The following SOX5 variants were observed in gnomAD, a reference collection of about 807,000 sequenced individuals.
The protein encoded by SOX5 is SRY-box transcription factor 5.
SOX5 carries 9 observed loss-of-function variants against 92.0 expected under a neutral mutation model. That is an observed-to-expected ratio of 0.10 (90% CI 0.06 to 0.17). SOX5 has a LOEUF of 0.17. SOX5 is among the 10% of genes least tolerant of loss of function. The pLI is 1.00. For synonymous variants in SOX5, 344 were observed against 336.3 expected (o/e 1.02, Z -0.25); for missense variants, 642 against 944.5 (o/e 0.68, Z 4.20).
intron 3 of SOX5, among the ~76,000 whole-genome samples, chr12:24,215,906 T>G (rs1277545633): frequency 1.3e-5 from 2 of 152,056 alleles, no homozygotes; most frequent in Non-Finnish European, 2.9e-5. Context: ...AGGATGCACA[T>G]ATAGATCTAA....
At chr12:24,245,065 G>A (rs1044342662) in intron 3 of SOX5, among the ~76,000 whole-genome samples, 13 of 152,020 alleles carry the variant, frequency 8.6e-5, no homozygotes, top group African/African-American at 2.9e-4. Context: ...CTGATTAGGT[G>A]AAATCCTCCC....
At chr12:24,195,268 CAAA>C (rs939236482) in intron 4 of SOX5, among the ~76,000 whole-genome samples, 2 of 151,916 alleles carry the variant, frequency 1.3e-5, no homozygotes, top group African/African-American at 4.8e-5. Flanking sequence ...TGGAAATCAC[CAAA>C]TTTTTCATAA....
intron 6 of SOX5, among the ~76,000 whole-genome samples, chr12:23,683,192 A>G (rs953092792): frequency 6.6e-6 from 1 of 151,942 alleles, no homozygotes; most frequent in Non-Finnish European, 1.5e-5. Flanking sequence ...TCTGAGTGTT[A>G]AACATATTTC....
intron 1 of SOX5, among the ~76,000 whole-genome samples, chr12:24,543,650 T>G (rs1048261468): frequency 1.3e-5 from 2 of 152,232 alleles, no homozygotes; most frequent in East Asian, 1.9e-4. Flanking sequence ...ATTATGCCAC[T>G]GCACTCCAGC....
intron 2 of SOX5, among the ~76,000 whole-genome samples, chr12:23,879,064 A>G (rs1319131157): frequency 2.0e-5 from 3 of 152,136 alleles, no homozygotes; most frequent in Admixed American, 1.3e-4. Flanking sequence ...ATCAAATACA[A>G]TATTTATTTG....
intron 1 of SOX5, among the ~76,000 whole-genome samples, chr12:24,370,476 CAAAAAA>C (rs57192965): frequency 1.3e-5 from 1 of 79,720 alleles, no homozygotes; most frequent in East Asian, 4.0e-4. Flanking sequence ...GACTCCGTCT[CAAAAAA>C]AAAAAAAAAA....
chr12:24,494,493 A>G (rs1194511983), intron 1 of SOX5, among the ~76,000 whole-genome samples: 1 of 152,238 alleles, frequency 6.6e-6, no homozygotes, highest in Non-Finnish European at 1.5e-5. Context: ...ATCATAGTTC[A>G]TGGCAAAAAC....
rs539960559 is a variant in SOX5, at chr12:24,439,311, G to A, written c.-250-70672C>T. On this transcript the variant is annotated intron_variant, in intron 1 of 4. Coordinates refer to the SOX5 transcript ENST00000446891. ...ATTTATATGTACTGGGGAAACATCTGTGTGACCTGATTGATTGTAATATTT... is the reference window on the plus strand; with the variant it reads ...ATTTATATGTACTGGGGAAACATCTATGTGACCTGATTGATTGTAATATTT... Among the ~76,000 whole-genome samples the A allele has an allele frequency of 5.3e-5, 8 of 152,340 alleles. No individual in the cohort carries two copies. The East Asian group carries it at 7.7e-4, about 15-fold the overall frequency.
intron 4 of SOX5, among the ~76,000 whole-genome samples, chr12:24,115,560 T>C (rs1947898770): frequency 1.3e-5 from 2 of 152,204 alleles, no homozygotes; most frequent in Non-Finnish European, 2.9e-5. Context: ...CAGCCCTCCC[T>C]GTTGGGGGAG....
intron 6 of SOX5, among the ~76,000 whole-genome samples, chr12:23,723,566 T>TTATATATATATA (rs10679589): frequency 0.016 from 2,314 of 144,606 alleles, 24 homozygotes; most frequent in Middle Eastern, 0.021. Flanking sequence ...AGGAGAAAAA[T>TTATATATATATA]TATATATATA....
intron 9 of SOX5, among the ~76,000 whole-genome samples, chr12:23,600,162 G>C (rs1454977834): frequency 6.6e-6 from 1 of 152,128 alleles, no homozygotes; most frequent in Non-Finnish European, 1.5e-5. Context: ...TTTAATGTGA[G>C]AAGGTAGAAT....
intron 1 of SOX5, among the ~76,000 whole-genome samples, chr12:24,398,008 CCTGA>C (rs574834103): frequency 2.0e-5 from 3 of 152,048 alleles, no homozygotes; most frequent in Non-Finnish European, 2.9e-5. Flanking sequence ...CGCCACCATG[CCTGA>C]CTAATTTTTT....
In SOX5 at chr12:23,536,410, C is replaced by T. The variant is rs1018488240; in HGVS notation, c.1988+43G>A. Reference sequence around the variant, plus strand: ...ATGTTTCACATCCCATTAAGTATAACAGGAAGTTTGCCCCATGAGAAAAAT... The same window carrying T: ...ATGTTTCACATCCCATTAAGTATAATAGGAAGTTTGCCCCATGAGAAAAAT... On this transcript the variant is annotated intron_variant, in intron 14 of 14. Coordinates refer to ENST00000451604, the MANE Select transcript of SOX5 (RefSeq NM_006940.6). 4.2e-6 allele frequency: 6 copies of T among 1,425,714 alleles called. No homozygotes were observed. The East Asian group carries it at 6.8e-5, about 16-fold the overall frequency. The allele number at this position is 1,425,714 out of a possible 1,614,324, so 88.3% of individuals were successfully genotyped here.
At chr12:23,599,916 T>C (rs1953153457) in intron 9 of SOX5, among the ~76,000 whole-genome samples, 1 of 152,216 alleles carries the variant, frequency 6.6e-6, no homozygotes, top group South Asian at 2.1e-4. Flanking sequence ...GCAAAGGTCA[T>C]CTAGTCTCTT....
chr12:24,303,821 G>C (rs919483260), intron 2 of SOX5, among the ~76,000 whole-genome samples: 3 of 152,276 alleles, frequency 2.0e-5, no homozygotes, highest in Non-Finnish European at 2.9e-5. Context: ...GATCAAAGGG[G>C]AGAGAGAGGG....
intron 1 of SOX5, among the ~76,000 whole-genome samples, chr12:23,922,171 C>G (rs778974612): frequency 6.6e-6 from 1 of 152,174 alleles, no homozygotes; most frequent in Non-Finnish European, 1.5e-5. Flanking sequence ...TCACTCCTTT[C>G]TGGTACACCT....
intron 3 of SOX5, among the ~76,000 whole-genome samples, chr12:24,236,013 C>T (rs935978910): frequency 6.6e-6 from 1 of 151,940 alleles, no homozygotes; most frequent in Non-Finnish European, 1.5e-5. Flanking sequence ...CATGGTAAAA[C>T]CCCACCTCTA....
intron 4 of SOX5, among the ~76,000 whole-genome samples, chr12:24,121,652 G>C (rs1948632573): frequency 6.7e-6 from 1 of 149,956 alleles, no homozygotes; most frequent in Admixed American, 6.6e-5. Context: ...ACTTTGAGAG[G>C]CTGAGGTAGG....
At chr12:24,492,862 GA>G (rs1947232353) in intron 1 of SOX5, among the ~76,000 whole-genome samples, 1 of 151,960 alleles carries the variant, frequency 6.6e-6, no homozygotes, top group Admixed American at 6.6e-5. Flanking sequence ...ATTTTTTTAA[GA>G]AAAAAATAAA....
Sources: gnomAD v4.1 joint callset for allele counts (sites outside exome capture counted in the v4.1 genomes callset) on GRCh38, gnomAD v4.1.1 for gene constraint, MANE v1.5 for transcripts, NCBI Gene and HGNC (gene_info 2026-07-23, HGNC 2026-07-21) for gene names.